Variants in SFXN2 observed in about 807,000 individuals in gnomAD.
SFXN2 encodes sideroflexin-2.
A neutral mutation model predicts 41.9 loss-of-function variants in SFXN2; 37 were observed. That is an observed-to-expected ratio of 0.88 (90% confidence interval 0.68 to 1.16). SFXN2 has a LOEUF of 1.16. SFXN2 is among the 50% of genes most tolerant of loss of function. The pLI is 0.00. For missense variants in SFXN2, 386 were observed against 425.2 expected (o/e 0.91, Z 0.81); for synonymous variants, 150 against 156.7 (o/e 0.96, Z 0.32).
chr10:102,725,924 G>GT (rs978684667), intron 1 of SFXN2, among the ~76,000 whole-genome samples: 19 of 152,102 alleles, frequency 1.2e-4, no homozygotes, highest in Non-Finnish European at 2.6e-4. Context: ...GGCTTTGGGT[G>GT]TTTTTTTGTT....
chr10:102,729,790 T>C lies in SFXN2; in HGVS notation c.575T>C (p.Ile192Thr). 1 of 1,614,012 alleles carries C rather than the reference T, an allele frequency of 6.2e-7. No homozygotes were observed. The highest frequency in any genetic ancestry group is 2.2e-5 in the East Asian group (1 of 44,880). The change falls in exon 6 of 12, where the codon ATC (isoleucine) becomes ACC (threonine). Residue 192 changes from isoleucine (I) to threonine (T), a missense_variant. Physicochemically the swap from Ile to Thr is moderately conservative, Grantham distance 89. Coordinates refer to ENST00000369893, the MANE Select transcript of SFXN2 (RefSeq NM_178858.6). The stretch of plus-strand genomic sequence containing the variant: ...GTGGCTGCGGCTAACTGTGTCAATA[T>C]CCCCATGATGCGACAGCAGTGAGTA... ...AAVAAANCVN[I>T]PMMRQQELIK...
rs966196253 is a variant in SFXN2 at position 102,737,972 on chromosome 10, A to T, written c.*210A>T. 42 of 364,204 alleles carry T rather than the reference A, an allele frequency of 1.2e-4. 1 individual carries two copies. Among genetic ancestry groups the T allele is most frequent in the Non-Finnish European group, 1.9e-4 (37 of 197,458 alleles). 22.6% of individuals were successfully genotyped at this position (364,204 alleles called of 1,614,324 possible). A position where few individuals can be genotyped will look rare whatever the true frequency, so the allele number is the denominator to read the frequency against. ...AAGTGAAAAAGGGTAGCAAAGGCCA[A>T]TGTCTTCTAGCTGCTTCCTCAACCC... On this transcript the variant is annotated 3_prime_UTR_variant, in exon 12 of 12. Coordinates refer to ENST00000369893, the MANE Select transcript of SFXN2 (RefSeq NM_178858.6).
intron 10 of SFXN2, among the ~76,000 whole-genome samples, chr10:102,733,925 T>C (rs934257094): frequency 2.2e-4 from 34 of 151,752 alleles, no homozygotes; most frequent in African/African-American, 8.0e-4. Context: ...TCTCGCTCTG[T>C]CGCCCAGTCT....
In SFXN2 at chr10:102,740,527, A is replaced by C. The variant is rs1842770599; in HGVS notation, c.*2765A>C. The C allele has an allele frequency of 6.6e-6, 1 of 152,214 alleles. No homozygotes were observed. The allele number at this position is 152,214 out of a possible 1,614,324, so 9.4% of individuals were successfully genotyped here. A position where few individuals can be genotyped will look rare whatever the true frequency, so the allele number is the denominator to read the frequency against. On this transcript the variant is annotated 3_prime_UTR_variant, in exon 12 of 12. Coordinates refer to ENST00000369893, the MANE Select transcript of SFXN2 (RefSeq NM_178858.6). ...ATGAGCCACTGCATCTGGTCTCAGA[A>C]CATTTTTCTTAGCCCCAAAAGAAAC...
At chr10:102,729,882 G>A in intron 6 of SFXN2, 74 bp downstream of exon 6, 1 of 1,545,024 alleles carries the variant, frequency 6.5e-7, no homozygotes. Flanking sequence ...AAAGCAGTGG[G>A]TGGCTTCTGG....
At chr10:102,722,273 G>A (rs1224623104) in intron 1 of SFXN2, among the ~76,000 whole-genome samples, 3 of 152,092 alleles carry the variant, frequency 2.0e-5, no homozygotes, top group Non-Finnish European at 4.4e-5. Flanking sequence ...TGGTTGCCCA[G>A]GAGTCTGCAA....
chr10:102,737,825 C>A lies in SFXN2; in HGVS notation c.*63C>A. The A allele has an allele frequency of 8.5e-7, 1 of 1,182,026 alleles. No homozygotes were observed. Among genetic ancestry groups the A allele is most frequent in the Non-Finnish European group, 1.2e-6 (1 of 801,240 alleles). The allele number at this position is 1,182,026 out of a possible 1,614,324, so 73.2% of individuals were successfully genotyped here. On this transcript the variant is annotated 3_prime_UTR_variant, in exon 12 of 12. Transcript: ENST00000369893. ...TCACCAGCTCCTCCTTAGCTACGTG[C>A]ACACTTGTGTCCTCCTTCCCCTTTG...
intron 5 of SFXN2, 146 bp from the exon 6 acceptor site, chr10:102,729,577 G>A (rs2064668470): frequency 1.8e-6 from 2 of 1,105,526 alleles, no homozygotes; most frequent in Admixed American, 2.3e-5. Context: ...GGGCCTTTGA[G>A]GGAGTTTGGG....
chr10:102,726,874 G>T, intron 2 of SFXN2, 77 bp downstream of exon 2: 1 of 1,593,546 alleles, frequency 6.3e-7, no homozygotes, highest in Non-Finnish European at 8.6e-7. Flanking sequence ...GGAAACCGAA[G>T]GTGAAGGAAT....
rs1377745887 is a variant in SFXN2, at chr10:102,726,599, C to T, written c.-25-13C>T. 2 of 1,611,698 alleles carry T rather than the reference C, an allele frequency of 1.2e-6. No homozygotes were observed. Among genetic ancestry groups the T allele is most frequent in the Admixed American group, 1.7e-5 (1 of 59,866 alleles). On this transcript the variant is annotated splice_polypyrimidine_tract_variant and intron_variant, in intron 1 of 11. Coordinates refer to ENST00000369893, the MANE Select transcript of SFXN2 (RefSeq NM_178858.6). The stretch of plus-strand genomic sequence containing the variant: ...GATTTAGGGGACAGTCATCTTCTTC[C>T]TTTGTCCCTTAGGTCCACAGTTTTA...
chr10:102,719,484 C>G (rs2064475157), intron 1 of SFXN2, among the ~76,000 whole-genome samples: 1 of 152,054 alleles, frequency 6.6e-6, no homozygotes, highest in Admixed American at 6.5e-5. Context: ...CCGCCTCGGC[C>G]TCCCAAAGTG....
rs2064753470 is a variant in SFXN2, at chr10:102,734,980, C to T, written c.822-882C>T. Among the ~76,000 whole-genome samples the T allele has an allele frequency of 6.6e-6, 1 of 152,214 alleles. No homozygotes were observed. Among genetic ancestry groups the T allele is most frequent in the Non-Finnish European group, 1.5e-5 (1 of 68,002 alleles). ...ATGCACAGTGAAGCTGGAGAAACTG[C>T]CTTTCACTGTGCTCTGACAGCCCAG... is the stretch of plus-strand genomic sequence containing the variant. On this transcript the variant is annotated intron_variant, in intron 10 of 11. Transcript: ENST00000369893. The surrounding 1 kb of genome is among the most constrained non-coding windows in gnomAD (Gnocchi z 4.1).
Position 102,727,047 on chromosome 10 carries a change from T to A in SFXN2, c.222T>A (p.Tyr74Ter). The A allele has an allele frequency of 1.2e-6, 2 of 1,609,770 alleles. No individual in the cohort carries two copies. Among genetic ancestry groups the A allele is most frequent in the Non-Finnish European group, 1.7e-6 (2 of 1,176,444 alleles). ...AGCTGCTGTATGCCAAGAAGCTGTA[T>A]GACTCGGCCTTCCACCCCGACACTG... ...VEQLLYAKKL[Y>*]DSAFHPDTGE... The change falls in exon 3 of 12, where the codon TAT becomes TAA. Residue 74 changes from tyrosine to a stop codon, truncating the protein, a stop_gained. Transcript: ENST00000369893. LOFTEE classifies it high-confidence loss of function.
Position 102,736,797 on chromosome 10 carries a change from C to T in SFXN2, c.870-866C>T, listed in dbSNP as rs1370017332. On this transcript the variant is annotated intron_variant, in intron 11 of 11. Coordinates refer to ENST00000369893, the MANE Select transcript of SFXN2 (RefSeq NM_178858.6). Reference sequence around the variant, plus strand: ...AAATCCTGACCTCAGGTGATCTGCCCGCCTCAGCCTCCCAAAGTATTGGGA... The same window carrying T: ...AAATCCTGACCTCAGGTGATCTGCCTGCCTCAGCCTCCCAAAGTATTGGGA... 7.3e-5 allele frequency among the ~76,000 whole-genome samples: 11 copies of T among 151,422 alleles called. No individual in the cohort carries two copies. In the East Asian group the frequency reaches 1.4e-3, roughly 19 times the overall value.
At position 102,727,110 on chromosome 10, in the gene SFXN2, G is replaced by C. The variant is rs755975583; in HGVS notation, c.285G>C (p.Gln95His). 1 of 1,607,638 alleles carries C rather than the reference G, an allele frequency of 6.2e-7. No individual in the cohort carries two copies. The highest frequency in any genetic ancestry group is 1.1e-5 in the South Asian group (1 of 90,984). ...KMNVIGRMSFQLPGGMIITGF... is the reference protein window; with the variant it reads ...KMNVIGRMSFHLPGGMIITGF... ...ATGTCATCGGGCGCATGTCTTTCCA[G>C]CTTCCTGGCGGCATGATCATCACGG... The change falls in exon 3 of 12, where the codon CAG (glutamine) becomes CAC (histidine). Residue 95 changes from glutamine to histidine, a missense_variant. By Grantham distance (24) the Gln-to-His change is conservative. Coordinates refer to ENST00000369893, the MANE Select transcript of SFXN2 (RefSeq NM_178858.6).
At position 102,730,831 on chromosome 10, in the gene SFXN2, T is replaced by C. The variant is rs545778464; in HGVS notation, c.594-892T>C. On this transcript the variant is annotated intron_variant, in intron 6 of 11. Transcript: ENST00000369893. Reference sequence around the variant, plus strand: ...GGCCAGGCGTGGTAGCTCACGCCTGTAATCCCAGCACTTTGGGAGGCTGAG... The same window carrying C: ...GGCCAGGCGTGGTAGCTCACGCCTGCAATCCCAGCACTTTGGGAGGCTGAG... Among the ~76,000 whole-genome samples the C allele has an allele frequency of 5.3e-5, 8 of 152,262 alleles. No individual in the cohort carries two copies. The East Asian group carries it at 7.7e-4, about 15-fold the overall frequency.
At chr10:102,726,543 G>A in intron 1 of SFXN2, 69 bp from the exon 2 acceptor site, 1 of 1,509,154 alleles carries the variant, frequency 6.6e-7, no homozygotes, top group Non-Finnish European at 9.0e-7. Context: ...TGCAACAGTG[G>A]GACGTGCTCA....
At chr10:102,722,631 C>A (rs758600079) in intron 1 of SFXN2, among the ~76,000 whole-genome samples, 4 of 152,028 alleles carry the variant, frequency 2.6e-5, no homozygotes, top group Admixed American at 6.6e-5. Context: ...GCCTTAGCCT[C>A]CCAGACTCAA....
chr10:102,735,778 C>T (rs1207454608), intron 10 of SFXN2, 84 bp from the exon 11 acceptor site: 4 of 1,408,360 alleles, frequency 2.8e-6, no homozygotes, highest in Non-Finnish European at 4.0e-6. Context: ...GGTGCCTGGG[C>T]ATTGCTCCTT....
Sources: gnomAD v4.1 joint callset for allele counts (sites outside exome capture counted in the v4.1 genomes callset) on GRCh38, gnomAD v4.1.1 for gene constraint, Gnocchi (gnomAD v3.1) non-coding constraint, MANE v1.5 for transcripts, NCBI Gene and HGNC (gene_info 2026-07-23, HGNC 2026-07-21) for gene names.